The following SIK2 variants were observed in gnomAD, a reference collection of about 807,000 sequenced individuals.
The protein encoded by SIK2 is serine/threonine-protein kinase SIK2.
A neutral mutation model predicts 103.2 loss-of-function variants in SIK2; 29 were observed. The ratio of observed to expected loss-of-function variants is 0.28; its 90% confidence interval spans 0.21 to 0.38. The LOEUF (loss-of-function observed/expected upper bound fraction) is 0.38, where lower values mean the gene tolerates loss of function less well. SIK2 is among the 10% of genes least tolerant of loss of function. The pLI is 1.00. For synonymous variants in SIK2, 412 were observed against 446.1 expected, an observed-to-expected ratio of 0.92 and a Z score of 0.96; for missense variants, 879 against 1,171.0, an observed-to-expected ratio of 0.75 and a Z score of 3.64.
intron 12 of SIK2, among the ~76,000 whole-genome samples, chr11:111,721,375 A>C (rs1422502360): frequency 6.6e-6 from 1 of 151,908 alleles, no homozygotes; most frequent in African/African-American, 2.4e-5. Context: ...CCACACACAC[A>C]CCCAAATGAA....
At chr11:111,639,561 A>G (rs2135854810) in intron 3 of SIK2, among the ~76,000 whole-genome samples, 1 of 152,364 alleles carries the variant, frequency 6.6e-6, no homozygotes, top group African/African-American at 2.4e-5. Flanking sequence ...GCATAAGTCA[A>G]ACATGCTTAT....
rs1244473354 is a variant in SIK2 at position 111,723,987 on chromosome 11, C to T, written c.2639C>T (p.Pro880Leu). ...DGAQQSDLTG[P>L]DCPRSPGLQE... is the part of the protein sequence containing the mutation. ...GCCCAGCAGAGCGACCTAACGGGGCCAGACTGTCCCAGAAGCCCAGGACTG... is the reference window on the plus strand; with the variant it reads ...GCCCAGCAGAGCGACCTAACGGGGCTAGACTGTCCCAGAAGCCCAGGACTG... Residue 880 changes from proline (P) to leucine (L), a missense_variant, in exon 15 of 15, where the codon CCA becomes CTA. Around this residue, in one of 7 missense-constraint regions of SIK2, gnomAD observed 375 missense variants for 416.3 expected, o/e 0.90. Coordinates refer to ENST00000304987, the MANE Select transcript of SIK2 (RefSeq NM_015191.3). 9 of 1,614,062 alleles carry T rather than the reference C, an allele frequency of 5.6e-6. No homozygotes were observed. The highest frequency in any genetic ancestry group is 7.6e-6 in the Non-Finnish European group (9 of 1,180,036).
chr11:111,715,572 G>A (rs1473477717), intron 9 of SIK2, among the ~76,000 whole-genome samples: 7 of 152,062 alleles, frequency 4.6e-5, no homozygotes, highest in Non-Finnish European at 1.5e-5. Flanking sequence ...ACTTTGGTTT[G>A]CAGTTTCAAA....
chr11:111,712,459 T>A, intron 9 of SIK2, 84 bp downstream of exon 9: 5 of 1,422,766 alleles, frequency 3.5e-6, no homozygotes, highest in Non-Finnish European at 4.7e-6. Flanking sequence ...TTTGGCTTTA[T>A]TGAACTTTAT....
Position 111,701,031 on chromosome 11 carries a change from G to C in SIK2, c.603+21G>C, listed in dbSNP as rs1430276710. ...TCTGGGTACTGCTTTGCTTTGCTGT[G>C]TTGTTAAATGCATCTATACTGATAA... On this transcript the variant is annotated intron_variant, in intron 5 of 14. Coordinates refer to ENST00000304987, the MANE Select transcript of SIK2 (RefSeq NM_015191.3). The surrounding 1 kb of genome is among the most constrained non-coding windows in gnomAD (Gnocchi z 4.2). 6.2e-7 allele frequency: 1 copy of C among 1,611,404 alleles called. No individual in the cohort carries two copies. The highest frequency in any genetic ancestry group is 1.7e-5 in the Admixed American group (1 of 59,830).
chr11:111,658,317 G>T (rs1942421843), intron 3 of SIK2, among the ~76,000 whole-genome samples: 1 of 152,054 alleles, frequency 6.6e-6, no homozygotes, highest in Non-Finnish European at 1.5e-5. Flanking sequence ...TAGAGACAGG[G>T]TTTCACCATA....
intron 3 of SIK2, among the ~76,000 whole-genome samples, chr11:111,684,680 T>C (rs571191482): frequency 6.6e-6 from 1 of 152,332 alleles, no homozygotes; most frequent in East Asian, 1.9e-4. Context: ...GAGCCTCTGG[T>C]TCGCTCTTAT....
intron 1 of SIK2, among the ~76,000 whole-genome samples, chr11:111,611,827 T>C (rs1162240990): frequency 6.6e-6 from 1 of 152,216 alleles, no homozygotes; most frequent in Non-Finnish European, 1.5e-5. Flanking sequence ...TTTTGTCTCT[T>C]ATACTATGTT....
chr11:111,722,482 G>A lies in SIK2; in HGVS notation c.2056-183G>A, dbSNP rs1943831362. ...GAAAAAGGAAGTAGGTGAGGTCAGAGATGGCCCAGGCCTGCGGGCCCGATG... is the reference window on the plus strand; with the variant it reads ...GAAAAAGGAAGTAGGTGAGGTCAGAAATGGCCCAGGCCTGCGGGCCCGATG... On this transcript the variant is annotated intron_variant, in intron 13 of 14. Transcript: ENST00000304987. The surrounding 1 kb of genome is among the most constrained non-coding windows in gnomAD (Gnocchi z 4.4). Among the ~76,000 whole-genome samples the A allele has an allele frequency of 6.6e-6, 1 of 152,264 alleles. No individual in the cohort carries two copies. The highest frequency in any genetic ancestry group is 1.5e-5 in the Non-Finnish European group (1 of 68,044).
At chr11:111,715,490 G>C (rs1360375664) in intron 9 of SIK2, among the ~76,000 whole-genome samples, 1 of 152,302 alleles carries the variant, frequency 6.6e-6, no homozygotes, top group East Asian at 1.9e-4. Context: ...AGAGACTTCA[G>C]CTCTCCTTCC....
chr11:111,730,724 T>TA lies in SIK2; in HGVS notation c.*6599dup, dbSNP rs753616802. The TA allele has an allele frequency of 2.0e-5, 3 of 152,196 alleles. No individual in the cohort carries two copies. Among genetic ancestry groups the TA allele is most frequent in the Non-Finnish European group, 4.4e-5 (3 of 68,034 alleles). 9.4% of individuals were successfully genotyped at this position (152,196 alleles called of 1,614,324 possible). On this transcript the variant is annotated 3_prime_UTR_variant, in exon 15 of 15. Transcript: ENST00000304987. ...TGTCACTTAATGTTAGAAAATTGCC[T>TA]AAAATGCAGTGTAATAAATAATCTC... is the stretch of plus-strand genomic sequence containing the variant.
At chr11:111,673,000 G>T (rs939815990) in intron 3 of SIK2, among the ~76,000 whole-genome samples, 1 of 152,178 alleles carries the variant, frequency 6.6e-6, no homozygotes, top group African/African-American at 2.4e-5. Context: ...TACGAATAAT[G>T]ATTGGAAACC....
chr11:111,711,864 G>T (rs1326641037), intron 8 of SIK2, among the ~76,000 whole-genome samples: 7 of 152,168 alleles, frequency 4.6e-5, no homozygotes, highest in African/African-American at 1.2e-4. Context: ...ATCTGTCTGG[G>T]TATTATATTT....
intron 3 of SIK2, among the ~76,000 whole-genome samples, chr11:111,661,918 C>T (rs1293188761): frequency 6.6e-6 from 1 of 152,164 alleles, no homozygotes; most frequent in Non-Finnish European, 1.5e-5. Context: ...TTATGGGAGC[C>T]ACAATTCAAG....
rs376901854 is a variant in SIK2 at position 111,704,936 on chromosome 11, T to C, written c.949-51T>C. 24 of 1,498,634 alleles carry C rather than the reference T, an allele frequency of 1.6e-5. No individual in the cohort carries two copies. In the African/African-American group the frequency reaches 2.1e-4, roughly 13 times the overall value. The allele number at this position is 1,498,634 out of a possible 1,614,324, so 92.8% of individuals were successfully genotyped here. ...TTTTTTTTTAGGCATGTGTAGATCATTGCATTGGTCTTTACAGTTCTTTGC... is the reference window on the plus strand; with the variant it reads ...TTTTTTTTTAGGCATGTGTAGATCACTGCATTGGTCTTTACAGTTCTTTGC... On this transcript the variant is annotated intron_variant, in intron 7 of 14. Coordinates refer to ENST00000304987, the MANE Select transcript of SIK2 (RefSeq NM_015191.3).
At chr11:111,698,399 G>A (rs929537892) in intron 4 of SIK2, among the ~76,000 whole-genome samples, 1 of 152,196 alleles carries the variant, frequency 6.6e-6, no homozygotes, top group Non-Finnish European at 1.5e-5. Flanking sequence ...TTCACCAGCT[G>A]TGGGGAAGTT....
chr11:111,646,586 T>C (rs533557795), intron 3 of SIK2, among the ~76,000 whole-genome samples: 1 of 152,318 alleles, frequency 6.6e-6, no homozygotes, highest in Non-Finnish European at 1.5e-5. Context: ...CTTTTTCATC[T>C]TTCCCTCCTG....
chr11:111,619,802 G>C (rs940071256), intron 2 of SIK2, among the ~76,000 whole-genome samples: 3 of 152,158 alleles, frequency 2.0e-5, no homozygotes, highest in Non-Finnish European at 4.4e-5. Flanking sequence ...AGAGTACTTT[G>C]TAACAATATT....
chr11:111,631,111 G>T (rs963945547), intron 3 of SIK2, among the ~76,000 whole-genome samples: 3 of 152,154 alleles, frequency 2.0e-5, no homozygotes, highest in Non-Finnish European at 4.4e-5. Flanking sequence ...CTCTGAAAAG[G>T]TGTGCATTGG....
Sources: allele counts gnomAD v4.1 joint callset (sites outside exome capture counted in the v4.1 genomes callset), GRCh38; gene constraint gnomAD v4.1.1; regional missense constraint gnomAD v4.1.1; non-coding constraint Gnocchi (gnomAD v3.1); transcripts MANE v1.5; gene names NCBI Gene and HGNC (gene_info 2026-07-23, HGNC 2026-07-21).